UEVLD: variants seen among roughly 807,000 people sequenced by gnomAD.
UEVLD encodes UEV and lactate/malate dehyrogenase domains, also known as ubiquitin-conjugating enzyme E2 variant 3.
In UEVLD, 47 loss-of-function variants were observed where a neutral mutation model predicts 58.6. That is an observed-to-expected ratio of 0.80 (90% CI 0.63 to 1.02). UEVLD has a LOEUF of 1.02. UEVLD is among the 50% of genes least tolerant of loss of function. The pLI is 0.00. For missense variants in UEVLD, 510 were observed against 550.6 expected, an observed-to-expected ratio of 0.93 and a Z score of 0.74; for synonymous variants, 197 against 195.3, an observed-to-expected ratio of 1.01 and a Z score of -0.07.
chr11:18,547,827 T>C (rs1851365289), intron 7 of UEVLD, among the ~76,000 whole-genome samples: 1 of 152,090 alleles, frequency 6.6e-6, no homozygotes, highest in Non-Finnish European at 1.5e-5. Flanking sequence ...CTTTGGCCTA[T>C]CCAAGCAGAA....
In UEVLD at chr11:18,531,705, A is replaced by C. The variant is rs1421505010; in HGVS notation, c.*615T>G. 1 of 152,238 alleles carries C rather than the reference A, an allele frequency of 6.6e-6. No homozygotes were observed. The highest frequency in any genetic ancestry group is 2.4e-5 in the African/African-American group (1 of 41,460). 9.4% of individuals were successfully genotyped at this position (152,238 alleles called of 1,614,324 possible). ...CATAAAGGAAGTCCCACTGGAAATT[A>C]AAGTAAACTTTTAATGCATATATTT... is the stretch of plus-strand genomic sequence containing the variant. On this transcript the variant is annotated 3_prime_UTR_variant, in exon 12 of 12. Coordinates refer to ENST00000396197, the MANE Select transcript of UEVLD (RefSeq NM_001040697.4).
chr11:18,543,281 G>T (rs973155268), intron 9 of UEVLD, among the ~76,000 whole-genome samples: 1 of 152,158 alleles, frequency 6.6e-6, no homozygotes, highest in East Asian at 1.9e-4. Flanking sequence ...ATGAAGTAAT[G>T]ACTAATTTTC....
chr11:18,549,629 G>C (rs1245296294), intron 7 of UEVLD, among the ~76,000 whole-genome samples: 4 of 151,832 alleles, frequency 2.6e-5, no homozygotes, highest in Non-Finnish European at 4.4e-5. Context: ...ATGTTGGCCA[G>C]GCTGGTCTCG....
Position 18,564,903 on chromosome 11 carries a change from T to C in UEVLD, c.601A>G (p.Ile201Val), listed in dbSNP as rs1183472840. Residue 201 changes from isoleucine (I) to valine (V), a missense_variant, in exon 6 of 12, where the codon ATT becomes GTT. Transcript: ENST00000396197. Reference protein sequence around the residue: ...GELGIACTLAISAKGIADRLV... With the variant: ...GELGIACTLAVSAKGIADRLV... ...CTATGTTTACATACCTTTGCTGAAA[T>C]TGCTAATGTGCAGGCAATACCGAGT... 3 of 1,610,648 alleles carry C rather than the reference T, an allele frequency of 1.9e-6. No homozygotes were observed. The highest frequency in any genetic ancestry group is 1.7e-6 in the Non-Finnish European group (2 of 1,177,240).
intron 1 of UEVLD, among the ~76,000 whole-genome samples, chr11:18,586,571 C>A (rs539412718): frequency 1.3e-5 from 2 of 151,902 alleles, no homozygotes; most frequent in Non-Finnish European, 2.9e-5. Flanking sequence ...CCCAGGCTGG[C>A]AAGCAGTGGC....
chr11:18,545,580 G>T (rs945792615), intron 8 of UEVLD, among the ~76,000 whole-genome samples: 2 of 151,902 alleles, frequency 1.3e-5, no homozygotes, highest in Non-Finnish European at 2.9e-5. Flanking sequence ...TAGTAGCTGG[G>T]ATTACAGGTG....
intron 3 of UEVLD, chr11:18,570,767 A>G (rs950113056): frequency 6.7e-5 from 10 of 150,296 alleles, no homozygotes; most frequent in Non-Finnish European, 2.9e-5. Flanking sequence ...AAAAAAAAAG[A>G]AAAGAAATGA....
chr11:18,579,862 A>G (rs959863088), intron 1 of UEVLD, among the ~76,000 whole-genome samples: 3 of 152,184 alleles, frequency 2.0e-5, no homozygotes, highest in Non-Finnish European at 4.4e-5. Flanking sequence ...TTAGGAATAA[A>G]TTTAACAAGG....
At chr11:18,587,998 G>C (rs547670478) in intron 1 of UEVLD, among the ~76,000 whole-genome samples, 1 of 152,052 alleles carries the variant, frequency 6.6e-6, no homozygotes, top group African/African-American at 2.4e-5. Flanking sequence ...ATCTCTCCAG[G>C]GCCTTCAAGC....
In UEVLD at chr11:18,544,816, T is replaced by TA. The variant is rs1397026092; in HGVS notation, c.887-21dup. On this transcript the variant is annotated intron_variant, in intron 8 of 11. Transcript: ENST00000396197. Reference sequence around the variant, plus strand: ...TTTCCACTAAATATTGCATACAAGGTAAAAAATGTAAAGGTTAAAAAATAT... The same window carrying TA: ...TTTCCACTAAATATTGCATACAAGGTAAAAAAATGTAAAGGTTAAAAAATAT... 4.7e-6 allele frequency: 7 copies of TA among 1,497,114 alleles called. No homozygotes were observed. Among genetic ancestry groups the TA allele is most frequent in the Non-Finnish European group, 3.5e-6 (4 of 1,130,072 alleles). 92.7% of individuals were successfully genotyped at this position (1,497,114 alleles called of 1,614,324 possible). A position where few individuals can be genotyped will look rare whatever the true frequency, so the allele number is the denominator to read the frequency against.
At chr11:18,541,404 T>C (rs977112104) in intron 9 of UEVLD, among the ~76,000 whole-genome samples, 4 of 152,210 alleles carry the variant, frequency 2.6e-5, no homozygotes, top group African/African-American at 9.6e-5. Context: ...TTCTGGAAGA[T>C]TATAAAAGAG....
At chr11:18,553,887 G>T (rs1192953691) in intron 7 of UEVLD, among the ~76,000 whole-genome samples, 1 of 152,122 alleles carries the variant, frequency 6.6e-6, no homozygotes, top group Non-Finnish European at 1.5e-5. Context: ...GCTTCCTTTT[G>T]GGGTGGTGAA....
chr11:18,571,432 C>G (rs1444260758), intron 3 of UEVLD, among the ~76,000 whole-genome samples: 1 of 152,140 alleles, frequency 6.6e-6, no homozygotes, highest in Non-Finnish European at 1.5e-5. Context: ...CCCTCCCCAG[C>G]AGTATTCTTG....
chr11:18,579,497 T>C, intron 1 of UEVLD: 1 of 985,402 alleles, frequency 1.0e-6, no homozygotes, highest in Non-Finnish European at 1.2e-6. Context: ...CCAACCGTCT[T>C]TTTGGCACGG....
At chr11:18,554,582 G>T (rs897055117) in intron 7 of UEVLD, among the ~76,000 whole-genome samples, 1 of 143,514 alleles carries the variant, frequency 7.0e-6, no homozygotes, top group African/African-American at 2.6e-5. Flanking sequence ...AGTTTTAGTA[G>T]AGATGGGTTT....
chr11:18,579,163 G>A (rs928443507), intron 1 of UEVLD, among the ~76,000 whole-genome samples: 8 of 152,120 alleles, frequency 5.3e-5, no homozygotes, highest in South Asian at 4.1e-4. Context: ...CACCACGCCC[G>A]GCCTGCAGTT....
intron 1 of UEVLD, among the ~76,000 whole-genome samples, chr11:18,580,678 A>G (rs569917298): frequency 8.2e-4 from 124 of 152,084 alleles, no homozygotes; most frequent in African/African-American, 2.8e-3. Flanking sequence ...AATTAAAAAT[A>G]AAAGAAATGA....
intron 2 of UEVLD, 49 bp from the exon 3 acceptor site, chr11:18,575,461 G>A (rs770286474): frequency 1.3e-6 from 2 of 1,555,996 alleles, no homozygotes; most frequent in Non-Finnish European, 1.7e-6. Context: ...GAAACAGAAA[G>A]AACTGTAGTA....
intron 1 of UEVLD, among the ~76,000 whole-genome samples, chr11:18,585,816 G>A (rs901510887): frequency 2.0e-5 from 3 of 151,936 alleles, no homozygotes; most frequent in Non-Finnish European, 1.5e-5. Context: ...ACATTTTTTA[G>A]GAGAGACGAG....
Sources: gnomAD v4.1 joint callset for allele counts (sites outside exome capture counted in the v4.1 genomes callset) on GRCh38, gnomAD v4.1.1 for gene constraint, MANE v1.5 for transcripts, NCBI Gene and HGNC (gene_info 2026-07-23, HGNC 2026-07-21) for gene names.